NRXN1: variants seen among roughly 807,000 people sequenced by gnomAD.
The protein encoded by NRXN1 is neurexin 1.
Under a neutral mutation model 150.9 loss-of-function variants are expected in NRXN1, and 39 were observed. That is an observed-to-expected ratio of 0.26 (90% CI 0.20 to 0.34). The LOEUF is 0.34. NRXN1 is among the 10% of genes least tolerant of loss of function. NRXN1 has a pLI of 1.00. For missense variants in NRXN1, 1,815 were observed against 1,949.9 expected, an observed-to-expected ratio of 0.93 and a Z score of 1.30; for synonymous variants, 924 against 757.0, an observed-to-expected ratio of 1.22 and a Z score of -3.62.
chr2:50,109,997 A>G (rs1702163624), intron 18 of NRXN1, among the ~76,000 whole-genome samples: 1 of 152,194 alleles, frequency 6.6e-6, no homozygotes. Flanking sequence ...CATAATGTTG[A>G]AATTGTTAAC....
At chr2:50,463,322 A>G (rs1342666802) in intron 17 of NRXN1, among the ~76,000 whole-genome samples, 1 of 151,882 alleles carries the variant, frequency 6.6e-6, no homozygotes, top group Non-Finnish European at 1.5e-5. Flanking sequence ...TTGATACAAA[A>G]TAAGATTTGC....
At chr2:50,225,170 C>G (rs1423475248) in intron 18 of NRXN1, among the ~76,000 whole-genome samples, 1 of 151,940 alleles carries the variant, frequency 6.6e-6, no homozygotes, top group Non-Finnish European at 1.5e-5. Flanking sequence ...TCCTTTGGTA[C>G]TGTACCTCAT....
intron 5 of NRXN1, among the ~76,000 whole-genome samples, chr2:50,841,955 A>G (rs1229067505): frequency 6.6e-6 from 1 of 152,170 alleles, no homozygotes; most frequent in Non-Finnish European, 1.5e-5. Context: ...GACACACCTA[A>G]GTTTCATTAA....
At chr2:50,441,893 G>A (rs754936986) in intron 17 of NRXN1, among the ~76,000 whole-genome samples, 6 of 152,088 alleles carry the variant, frequency 3.9e-5, no homozygotes, top group Non-Finnish European at 8.8e-5. Context: ...ATTCTGTATT[G>A]TCAAAAATCT....
intron 18 of NRXN1, among the ~76,000 whole-genome samples, chr2:50,173,940 G>A (rs367616755): frequency 6.6e-6 from 1 of 152,074 alleles, no homozygotes; most frequent in East Asian, 1.9e-4. Context: ...CTGACCATCT[G>A]TCAGGTTAAC....
At chr2:50,446,855 A>T (rs78179388) in intron 17 of NRXN1, among the ~76,000 whole-genome samples, 1 of 152,012 alleles carries the variant, frequency 6.6e-6, no homozygotes, top group Admixed American at 6.6e-5. Context: ...CCTGCCAACA[A>T]ATTTAGATGT....
intron 5 of NRXN1, among the ~76,000 whole-genome samples, chr2:50,776,653 CAT>C (rs1383542162): frequency 7.9e-6 from 1 of 126,200 alleles, no homozygotes; most frequent in African/African-American, 2.7e-5. Context: ...TATATATACA[CAT>C]ACACACACAC....
chr2:50,316,328 G>A (rs7577485), intron 17 of NRXN1, among the ~76,000 whole-genome samples: 31,608 of 151,798 alleles, frequency 0.21, 3,695 homozygotes, highest in East Asian at 0.52. Context: ...CTGGTGACTT[G>A]TATTGGGAAT....
At chr2:50,950,004 G>A (rs1691039993) in intron 2 of NRXN1, among the ~76,000 whole-genome samples, 1 of 152,152 alleles carries the variant, frequency 6.6e-6, no homozygotes, top group Non-Finnish European at 1.5e-5. Context: ...GGCAGGAGGA[G>A]ATTAATTGAA....
chr2:50,847,048 C>T (rs1005433671), intron 5 of NRXN1, among the ~76,000 whole-genome samples: 3 of 152,002 alleles, frequency 2.0e-5, no homozygotes, highest in African/African-American at 7.3e-5. Flanking sequence ...TCTCTGTAAC[C>T]TTTGCCAAAG....
chr2:50,004,142 A>C (rs904443808), intron 21 of NRXN1, among the ~76,000 whole-genome samples: 6 of 152,094 alleles, frequency 3.9e-5, no homozygotes, highest in African/African-American at 1.2e-4. Flanking sequence ...GATAGGCAGG[A>C]GTTAGATCAT....
intron 5 of NRXN1, among the ~76,000 whole-genome samples, chr2:50,833,990 T>C (rs1357521986): frequency 2.0e-5 from 3 of 152,070 alleles, no homozygotes; most frequent in East Asian, 1.9e-4. Context: ...ATTTAAGAAA[T>C]TGAACTTTTT....
At chr2:50,151,919 C>G (rs1019889019) in intron 18 of NRXN1, among the ~76,000 whole-genome samples, 1 of 151,674 alleles carries the variant, frequency 6.6e-6, no homozygotes, top group Non-Finnish European at 1.5e-5. Context: ...AGATTTTAAG[C>G]AGCTAGAGAA....
At chr2:50,714,531 C>T (rs538153204) in intron 5 of NRXN1, among the ~76,000 whole-genome samples, 1 of 152,144 alleles carries the variant, frequency 6.6e-6, no homozygotes, top group African/African-American at 2.4e-5. Context: ...AGGTAAGTGT[C>T]ACAGTATATG....
rs577607158 is a variant in NRXN1 at position 50,362,945 on chromosome 2, C to T, written c.3364+102497G>A. On this transcript the variant is annotated intron_variant, in intron 17 of 22. Transcript: ENST00000401669. The stretch of plus-strand genomic sequence containing the variant: ...CCTCAGAAATAACACCACACATCTA[C>T]AACCATCTTTTCTTTAACAAACCTG... Among the ~76,000 whole-genome samples the T allele has an allele frequency of 2.1e-4, 32 of 152,248 alleles. No individual in the cohort carries two copies. The East Asian group carries it at 5.0e-3, about 24-fold the overall frequency.
intron 13 of NRXN1, among the ~76,000 whole-genome samples, chr2:50,506,079 T>G (rs545566705): frequency 1.3e-5 from 2 of 152,256 alleles, no homozygotes; most frequent in East Asian, 1.9e-4. Flanking sequence ...GAAAGCCAGA[T>G]AGATAAACGC....
intron 17 of NRXN1, among the ~76,000 whole-genome samples, chr2:50,410,285 A>T (rs78394076): frequency 0.012 from 1,783 of 152,308 alleles, 29 homozygotes; most frequent in African/African-American, 0.041. Context: ...TCTTCTCTAA[A>T]GCTTGCACTG....
intron 18 of NRXN1, among the ~76,000 whole-genome samples, chr2:50,140,235 A>C (rs180691141): frequency 1.3e-5 from 2 of 152,288 alleles, no homozygotes; most frequent in East Asian, 3.9e-4. Flanking sequence ...GCAGACATAC[A>C]CCTGACTTCA....
chr2:51,006,065 CG>C, intron 2 of NRXN1, among the ~76,000 whole-genome samples: 1 of 151,720 alleles, frequency 6.6e-6, no homozygotes, highest in East Asian at 2.0e-4. Flanking sequence ...TTGGATTTCT[CG>C]GTATGATAGA....
Sources: allele counts gnomAD v4.1 joint callset (sites outside exome capture counted in the v4.1 genomes callset), GRCh38; gene constraint gnomAD v4.1.1; transcripts MANE v1.5; gene names NCBI Gene and HGNC (gene_info 2026-07-23, HGNC 2026-07-21).